CEP135: variants seen among roughly 807,000 people sequenced by gnomAD.
CEP135 encodes centrosomal protein 135.
CEP135 carries 142 observed loss-of-function variants against 157.3 expected under a neutral mutation model. The observed-to-expected ratio is 0.90, with a 90% confidence interval of 0.79 to 1.04. The LOEUF is 1.04. Ranked by LOEUF, CEP135 falls within the 50% of genes least tolerant of loss-of-function variation. CEP135 has a pLI of 0.00. For missense variants in CEP135, 1,317 were observed against 1,309.2 expected (o/e 1.01, Z -0.09); for synonymous variants, 396 against 439.8 (o/e 0.90, Z 1.25).
chr4:55,955,510 A>T (rs1469144796), intron 4 of CEP135, among the ~76,000 whole-genome samples: 1 of 152,146 alleles, frequency 6.6e-6, no homozygotes, highest in African/African-American at 2.4e-5. Flanking sequence ...AATGAGATAG[A>T]TGGACATGGG....
intron 25 of CEP135, among the ~76,000 whole-genome samples, chr4:56,030,621 T>G (rs1731307887): frequency 6.6e-6 from 1 of 152,030 alleles, no homozygotes; most frequent in Non-Finnish European, 1.5e-5. Context: ...ACCCAGCTAA[T>G]TTTTGTATTT....
intron 17 of CEP135, among the ~76,000 whole-genome samples, chr4:56,007,427 A>G (rs961472200): frequency 6.6e-6 from 1 of 152,184 alleles, no homozygotes; most frequent in Non-Finnish European, 1.5e-5. Context: ...GTTTGTGCCC[A>G]GGGGACCTGT....
At chr4:56,000,382 G>A (rs1046137706) in intron 17 of CEP135, among the ~76,000 whole-genome samples, 10 of 151,992 alleles carry the variant, frequency 6.6e-5, no homozygotes, top group African/African-American at 2.2e-4. Context: ...TGAAATGTGC[G>A]CTGGATTGGT....
At chr4:56,019,308 A>G in intron 22 of CEP135, 45 bp from the exon 23 acceptor site, 1 of 1,448,756 alleles carries the variant, frequency 6.9e-7, no homozygotes, top group Non-Finnish European at 9.4e-7. Flanking sequence ...TTTCAGAGTA[A>G]GTTTAAAATT....
intron 17 of CEP135, among the ~76,000 whole-genome samples, chr4:56,008,014 A>G (rs774916941): frequency 1.6e-4 from 24 of 152,206 alleles, no homozygotes; most frequent in African/African-American, 4.6e-4. Flanking sequence ...ACCTAGGGCC[A>G]TATTTTCTAA....
Position 56,017,769 on chromosome 4 carries a change from C to G in CEP135, c.2924C>G (p.Ser975Ter). 1 of 1,613,900 alleles carries G rather than the reference C, an allele frequency of 6.2e-7. No homozygotes were observed. Residue 975 changes from serine (S) to a stop codon, truncating the protein, a stop_gained, in exon 22 of 26, where the codon TCA becomes TGA. Transcript: ENST00000257287. LOFTEE classifies it high-confidence loss of function. ...DEKATVLNDL[S>*]SLRELCIKLD... Reference sequence around the variant, plus strand: ...AAAGCAACAGTATTAAATGACTTGTCATCTCTTAGAGAACTTTGCATTAAA... The same window carrying G: ...AAAGCAACAGTATTAAATGACTTGTGATCTCTTAGAGAACTTTGCATTAAA...
chr4:55,986,483 A>G (rs2109693067), intron 14 of CEP135, among the ~76,000 whole-genome samples: 1 of 152,272 alleles, frequency 6.6e-6, no homozygotes, highest in African/African-American at 2.4e-5. Context: ...TCAAGGCTGT[A>G]GTGAGCTGTG....
chr4:55,949,368 C>G (rs1228527404), intron 1 of CEP135, among the ~76,000 whole-genome samples: 1 of 152,172 alleles, frequency 6.6e-6, no homozygotes, highest in Non-Finnish European at 1.5e-5. Context: ...TGCTGTTGAC[C>G]AATGGATAGA....
chr4:55,959,556 C>A, intron 5 of CEP135, 126 bp from the exon 6 acceptor site: 1 of 758,952 alleles, frequency 1.3e-6, no homozygotes. Flanking sequence ...GACCCTTTGG[C>A]ACAGTACGTC....
chr4:56,028,198 T>C (rs1052764265), intron 25 of CEP135, among the ~76,000 whole-genome samples: 7 of 152,224 alleles, frequency 4.6e-5, no homozygotes, highest in Admixed American at 2.0e-4. Flanking sequence ...TGTACAAGTA[T>C]CTGTTTTAGT....
At chr4:56,015,037 G>C (rs1465070511) in intron 21 of CEP135, among the ~76,000 whole-genome samples, 1 of 151,770 alleles carries the variant, frequency 6.6e-6, no homozygotes. Flanking sequence ...GTAAGACCTT[G>C]TCTCAAAAAA....
At chr4:55,994,877 G>T (rs1037455918) in intron 15 of CEP135, among the ~76,000 whole-genome samples, 1 of 151,858 alleles carries the variant, frequency 6.6e-6, no homozygotes, top group Non-Finnish European at 1.5e-5. Context: ...GTAGAGAAGG[G>T]GTTTCACCAT....
Position 56,011,829 on chromosome 4 carries a change from A to G in CEP135, c.2646A>G (p.Arg882=). The G allele has an allele frequency of 6.3e-7, 1 of 1,577,866 alleles. No homozygotes were observed. Among genetic ancestry groups the G allele is most frequent in the Non-Finnish European group, 8.6e-7 (1 of 1,169,206 alleles). The part of the protein sequence containing the change: ...KEKENQDLLD[R]FQMLHNRAED... ...AAGAAAATCAAGATTTGTTAGATAG[A>G]TTTCAGATGCTTCATAACCGTGCTG... The change falls in exon 21 of 26, where the codon AGA becomes AGG. Residue 882 remains arginine, a synonymous_variant. Transcript: ENST00000257287.
At chr4:56,001,277 T>C (rs536965038) in intron 17 of CEP135, among the ~76,000 whole-genome samples, 1 of 152,262 alleles carries the variant, frequency 6.6e-6, no homozygotes, top group East Asian at 1.9e-4. Flanking sequence ...CCCATTTGTC[T>C]CTTTCTACTT....
At chr4:56,002,965 G>A (rs1389810737) in intron 17 of CEP135, among the ~76,000 whole-genome samples, 4 of 152,128 alleles carry the variant, frequency 2.6e-5, no homozygotes, top group African/African-American at 9.7e-5. Flanking sequence ...GCTTGTAAGT[G>A]TCCAGGAATT....
chr4:55,998,532 A>C (rs1730053605), intron 15 of CEP135, among the ~76,000 whole-genome samples: 1 of 152,088 alleles, frequency 6.6e-6, no homozygotes, highest in African/African-American at 2.4e-5. Context: ...CCATTTGACT[A>C]CCCGGCCAAA....
rs187290453 is a variant in CEP135 at position 55,981,197 on chromosome 4, T to C, written c.1627-30T>C. 1.5e-4 allele frequency: 234 copies of C among 1,549,090 alleles called. No homozygotes were observed. In the African/African-American group the frequency reaches 3.0e-3, roughly 20 times the overall value. ...TATTTATATCTTTTACTAAAGTGCCTTTTTAATTTATATCTTTTCATTCTT... is the reference window on the plus strand; with the variant it reads ...TATTTATATCTTTTACTAAAGTGCCCTTTTAATTTATATCTTTTCATTCTT... On this transcript the variant is annotated intron_variant, in intron 12 of 25. Transcript: ENST00000257287.
rs1577892097 is a variant in CEP135, at chr4:55,992,091, T to G, written c.2009+6T>G. 1.9e-6 allele frequency: 3 copies of G among 1,587,138 alleles called. No individual in the cohort carries two copies. Among genetic ancestry groups the G allele is most frequent in the Non-Finnish European group, 1.7e-6 (2 of 1,173,070 alleles). ...ACAGAGGTGAACTCACTTAGGTAAG[T>G]TTATTCAAAATTTTCTAATTTCATT... is the stretch of plus-strand genomic sequence containing the variant. On this transcript the variant is annotated splice_donor_region_variant and intron_variant, in intron 15 of 25. Coordinates refer to ENST00000257287, the MANE Select transcript of CEP135 (RefSeq NM_025009.5).
At chr4:55,981,515 T>C in intron 13 of CEP135, 136 bp downstream of exon 13, 5 of 606,218 alleles carry the variant, frequency 8.2e-6, no homozygotes, top group Non-Finnish European at 1.1e-5. Flanking sequence ...TAAGAATGGA[T>C]TAAGAAGAAT....
Sources: gnomAD v4.1 joint callset for allele counts (sites outside exome capture counted in the v4.1 genomes callset) on GRCh38, gnomAD v4.1.1 for gene constraint, MANE v1.5 for transcripts, NCBI Gene and HGNC (gene_info 2026-07-23, HGNC 2026-07-21) for gene names.